UBOX5: variants seen among roughly 807,000 people sequenced by gnomAD.
UBOX5 encodes U-box domain containing 5.
In UBOX5, 28 loss-of-function variants were observed where a neutral mutation model predicts 39.0. The observed-to-expected ratio is 0.72, with a 90% CI of 0.53 to 0.98. The LOEUF (loss-of-function observed/expected upper bound fraction) is 0.98. Among genes scored for constraint, UBOX5 ranks in the 50% least tolerant of loss-of-function variants. UBOX5 has a pLI of 0.00. For missense variants in UBOX5, 585 were observed against 674.4 expected (o/e 0.87, Z 1.47); for synonymous variants, 283 against 275.5 (o/e 1.03, Z -0.27).
In UBOX5 at chr20:3,121,391, G is replaced by A. The variant is rs143350007; in HGVS notation, c.1248C>T (p.Cys416=). The change falls in exon 3 of 5, where the codon TGC becomes TGT. Residue 416 remains cysteine (C), a synonymous_variant. Coordinates refer to ENST00000217173, the MANE Select transcript of UBOX5 (RefSeq NM_014948.4). ...CACAGGATGCTGAATTACCTGTCGAGCAGTCCATATGTGTCAGGCTGGGCT... is the reference window on the plus strand; with the variant it reads ...CACAGGATGCTGAATTACCTGTCGAACAGTCCATATGTGTCAGGCTGGGCT... ...TNEPSLTHMD[C]STGPLSHEQK... The A allele has an allele frequency of 6.9e-4, 1,116 of 1,608,012 alleles. 7 individuals are homozygous for A. The highest frequency in any genetic ancestry group is 1.3e-4 in the Non-Finnish European group (150 of 1,176,790).
chr20:3,151,830 C>A (rs965712478), intron 1 of UBOX5: 1 of 151,836 alleles, frequency 6.6e-6, no homozygotes, highest in Non-Finnish European at 1.5e-5. Context: ...GATGGCCAGG[C>A]GTGGTGGCTC....
intron 4 of UBOX5, among the ~76,000 whole-genome samples, chr20:3,114,646 A>C (rs1450431442): frequency 6.6e-6 from 1 of 152,100 alleles, no homozygotes; most frequent in Non-Finnish European, 1.5e-5. Flanking sequence ...GACTGGCTAG[A>C]TGAGAAAAAA....
At chr20:3,144,337 G>T (rs758329820) in intron 1 of UBOX5, among the ~76,000 whole-genome samples, 2 of 152,204 alleles carry the variant, frequency 1.3e-5, no homozygotes, top group Non-Finnish European at 2.9e-5. Flanking sequence ...CCCCCCACAT[G>T]TATGGTCAAT....
rs776995534 is a variant in UBOX5, at chr20:3,123,316, T to C, written c.50A>G (p.Asn17Ser). The C allele has an allele frequency of 6.2e-7, 1 of 1,613,900 alleles. No homozygotes were observed. Among genetic ancestry groups the C allele is most frequent in the South Asian group, 1.1e-5 (1 of 91,068 alleles). ...GTATATATTTGTTTTGTTTACCTTG[T>C]TGCAGTGAATTCTTGGTCTGAACTG... is the stretch of plus-strand genomic sequence containing the variant. ...LPQFRPRIHC[N>S]KISADGYEVE... The change falls in exon 2 of 5, where the codon AAC (asparagine) becomes AGC (serine). Residue 17 changes from asparagine to serine, a missense_variant. Asn to Ser is a conservative substitution (Grantham distance 46, BLOSUM62 1). Coordinates refer to ENST00000217173, the MANE Select transcript of UBOX5 (RefSeq NM_014948.4).
chr20:3,140,409 C>T (rs552431734), intron 1 of UBOX5, among the ~76,000 whole-genome samples: 1 of 152,266 alleles, frequency 6.6e-6, no homozygotes, highest in African/African-American at 2.4e-5. Context: ...AGTCTCAAAA[C>T]AAGATCTACA....
chr20:3,117,686 T>C (rs1282272146), intron 3 of UBOX5, among the ~76,000 whole-genome samples: 3 of 140,380 alleles, frequency 2.1e-5, no homozygotes, highest in East Asian at 4.4e-4. Flanking sequence ...TCCGTCACTA[T>C]ATAGATAAAT....
chr20:3,110,297 G>C lies in UBOX5; in HGVS notation c.1435C>G (p.Leu479Val). 6.2e-7 allele frequency: 1 copy of C among 1,614,138 alleles called. No homozygotes were observed. Among genetic ancestry groups the C allele is most frequent in the Non-Finnish European group, 8.5e-7 (1 of 1,180,030 alleles). The change falls in exon 5 of 5, where the codon CTG (leucine) becomes GTG (valine). Residue 479 changes from leucine to valine, a missense_variant. Leu to Val is a conservative substitution (Grantham distance 32). Transcript: ENST00000217173. ...GTGSEQPGSI[L>V]GPECASCKRV... ...TTGCAGGAGGCACATTCGGGGCCCA[G>C]GATGCTCCCAGGCTGCTCTGGTAAA...
intron 1 of UBOX5, among the ~76,000 whole-genome samples, chr20:3,140,535 T>C (rs191839138): frequency 1.1e-4 from 17 of 152,110 alleles, no homozygotes; most frequent in African/African-American, 4.1e-4. Flanking sequence ...ACCCTAACCC[T>C]TTCCCTCTCC....
Position 3,139,481 on chromosome 20 carries a change from G to A in UBOX5, c.-41-16075C>T, listed in dbSNP as rs574958328. Among the ~76,000 whole-genome samples, 301 of 151,580 alleles carry A rather than the reference G, an allele frequency of 2.0e-3. 2 individuals are homozygous for A. The highest frequency in any genetic ancestry group is 6.8e-3 in the African/African-American group (282 of 41,284). ...CTCGGCTCACTGCAACCTCCCCGTC[G>A]TGGGTTCAAGCGATTCTCCTGCCTC... is the stretch of plus-strand genomic sequence containing the variant. On this transcript the variant is annotated intron_variant, in intron 1 of 4. Coordinates refer to ENST00000217173, the MANE Select transcript of UBOX5 (RefSeq NM_014948.4).
At position 3,141,635 on chromosome 20, in the gene UBOX5, A is replaced by G. The variant is rs185611259; in HGVS notation, c.-42+18131T>C. ...CACTCCGGCCTGGGCAACAAGAGCG[A>G]AACTCCGTCTCAAAAAAATAAATAA... On this transcript the variant is annotated intron_variant, in intron 1 of 4. Transcript: ENST00000217173. 8.1e-3 allele frequency among the ~76,000 whole-genome samples: 1,230 copies of G among 151,384 alleles called. 24 individuals are homozygous for G. The highest frequency in any genetic ancestry group is 0.028 in the African/African-American group (1,164 of 41,196).
At chr20:3,148,761 C>A in intron 1 of UBOX5, 1 of 1,614,230 alleles carries the variant, frequency 6.2e-7, no homozygotes, top group Non-Finnish European at 8.5e-7. Flanking sequence ...TCTACGTCCT[C>A]TTCATCAACT....
intron 4 of UBOX5, among the ~76,000 whole-genome samples, chr20:3,112,771 C>T (rs1357514202): frequency 6.6e-6 from 1 of 152,012 alleles, no homozygotes; most frequent in Non-Finnish European, 1.5e-5. Flanking sequence ...TCGAGACCAG[C>T]CTGACCAACA....
chr20:3,145,907 G>A (rs1401747449), intron 1 of UBOX5, among the ~76,000 whole-genome samples: 5 of 152,068 alleles, frequency 3.3e-5, no homozygotes, highest in Non-Finnish European at 5.9e-5. Context: ...TTAGCTGGGC[G>A]TGGTGGTGGG....
At chr20:3,112,062 G>A (rs1373907444) in intron 4 of UBOX5, among the ~76,000 whole-genome samples, 2 of 151,686 alleles carry the variant, frequency 1.3e-5, no homozygotes, top group South Asian at 4.2e-4. Context: ...AAAGTACCGG[G>A]TGCCTCTCCT....
chr20:3,130,066 C>T (rs1294385021), intron 1 of UBOX5, among the ~76,000 whole-genome samples: 1 of 151,820 alleles, frequency 6.6e-6, no homozygotes, highest in African/African-American at 2.4e-5. Context: ...GCCATCTCTA[C>T]AAAAAATTTT....
rs140428481 is a variant in UBOX5, at chr20:3,127,163, C to T, written c.-41-3757G>A. On this transcript the variant is annotated intron_variant, in intron 1 of 4. Transcript: ENST00000217173. ...CCACTGAAAACACCCCTCGCAGTGG[C>T]AGACCTCTCCAGTGGAACTCAACTC... 7.2e-5 allele frequency among the ~76,000 whole-genome samples: 11 copies of T among 152,176 alleles called. No individual in the cohort carries two copies. In the South Asian group the frequency reaches 1.0e-3, roughly 14 times the overall value.
At chr20:3,124,231 C>T (rs79700648) in intron 1 of UBOX5, among the ~76,000 whole-genome samples, 1 of 152,154 alleles carries the variant, frequency 6.6e-6, no homozygotes, top group Admixed American at 6.6e-5. Flanking sequence ...CCCCTCTCCC[C>T]TCTCCCCTTT....
intron 1 of UBOX5, among the ~76,000 whole-genome samples, chr20:3,127,290 T>C (rs993806492): frequency 2.6e-5 from 4 of 152,182 alleles, no homozygotes; most frequent in Admixed American, 2.6e-4. Context: ...GGGCCCCTTT[T>C]GCTGTCAAAA....
At chr20:3,114,728 T>C (rs1462645610) in intron 4 of UBOX5, among the ~76,000 whole-genome samples, 1 of 152,046 alleles carries the variant, frequency 6.6e-6, no homozygotes, top group Non-Finnish European at 1.5e-5. Context: ...GGCGGGCGGA[T>C]CACGAGGTCG....
Sources: gnomAD v4.1 joint callset for allele counts (sites outside exome capture counted in the v4.1 genomes callset) on GRCh38, gnomAD v4.1.1 for gene constraint, MANE v1.5 for transcripts, NCBI Gene and HGNC (gene_info 2026-07-23, HGNC 2026-07-21) for gene names.